Variants in NDUFV2 observed in about 807,000 individuals in gnomAD.
NDUFV2 encodes NADH:ubiquinone oxidoreductase core subunit V2.
NDUFV2 carries 18 observed loss-of-function variants against 31.6 expected under a neutral mutation model. That is an observed-to-expected ratio of 0.57 (90% CI 0.39 to 0.84). NDUFV2 has a LOEUF of 0.84. Among genes scored for constraint, NDUFV2 ranks in the 40% least tolerant of loss-of-function variants. The probability of loss-of-function intolerance (pLI) is 0.00; values close to 1 mark genes in which losing one functional copy is unlikely to be tolerated. For synonymous variants in NDUFV2, 83 were observed against 99.8 expected, an observed-to-expected ratio of 0.83 and a Z score of 1.01; for missense variants, 314 against 303.6, an observed-to-expected ratio of 1.03 and a Z score of -0.26.
chr18:9,133,074 A>G (rs1451988423), intron 7 of NDUFV2, among the ~76,000 whole-genome samples: 1 of 152,178 alleles, frequency 6.6e-6, no homozygotes, highest in Non-Finnish European at 1.5e-5. Flanking sequence ...ATAATTGTTC[A>G]TTACTTAGTA....
intron 7 of NDUFV2, among the ~76,000 whole-genome samples, chr18:9,129,801 T>A (rs560957271): frequency 1.3e-5 from 2 of 152,268 alleles, no homozygotes; most frequent in Admixed American, 1.3e-4. Context: ...CCCAGATAAG[T>A]AATCTGGGCT....
At chr18:9,108,183 T>C (rs2077851234) in intron 1 of NDUFV2, among the ~76,000 whole-genome samples, 1 of 152,268 alleles carries the variant, frequency 6.6e-6, no homozygotes, top group Admixed American at 6.5e-5. Context: ...GGGCTCTTCA[T>C]GCAGCTTTTC....
Position 9,134,290 on chromosome 18 carries a change from AC to A in NDUFV2, c.*12del. On this transcript the variant is annotated 3_prime_UTR_variant, in exon 8 of 8. Transcript: ENST00000318388. ...CAAGCAGGCCTTTAATTTATATTGA[AC>A]TGTAAATATGTCACTAGAGAAATAA... The A allele has an allele frequency of 6.4e-7, 1 of 1,571,836 alleles. No individual in the cohort carries two copies. Among genetic ancestry groups the A allele is most frequent in the Non-Finnish European group, 8.7e-7 (1 of 1,143,422 alleles).
intron 7 of NDUFV2, among the ~76,000 whole-genome samples, chr18:9,132,874 CA>C (rs200591011): frequency 0.011 from 1,635 of 152,068 alleles, 23 homozygotes; most frequent in Non-Finnish European, 0.016. Context: ...GACCCTGTCT[CA>C]AAAATAATAA....
chr18:9,108,839 T>G (rs2077855195), intron 1 of NDUFV2, among the ~76,000 whole-genome samples: 1 of 151,950 alleles, frequency 6.6e-6, no homozygotes, highest in African/African-American at 2.4e-5. Flanking sequence ...TAAAGGTGCG[T>G]GCCACCACAC....
chr18:9,103,179 G>A (rs989546665), intron 1 of NDUFV2: 1 of 400,418 alleles, frequency 2.5e-6, no homozygotes, highest in African/African-American at 2.1e-5. Flanking sequence ...TAGTGACCTC[G>A]ATGCTTTTAG....
intron 1 of NDUFV2, among the ~76,000 whole-genome samples, chr18:9,106,075 A>C (rs992505049): frequency 1.3e-5 from 2 of 152,212 alleles, no homozygotes; most frequent in African/African-American, 4.8e-5. Context: ...AGCAGATCAA[A>C]TATTGGTTCC....
At position 9,124,907 on chromosome 18, in the gene NDUFV2, T is replaced by G; in HGVS notation, c.503T>G (p.Leu168Arg). ...IKVGETTPDK[L>R]FTLIEVECLG... The stretch of plus-strand genomic sequence containing the variant: ...GTTGGGGAGACTACACCTGACAAAC[T>G]TTTCACTCTTATAGAAGTGGAATGT... The change falls in exon 6 of 8, where the codon CTT becomes CGT. Residue 168 changes from leucine (L) to arginine (R), a missense_variant. Transcript: ENST00000318388. 1.2e-6 allele frequency: 2 copies of G among 1,613,036 alleles called. No individual in the cohort carries two copies. Among genetic ancestry groups the G allele is most frequent in the Non-Finnish European group, 1.7e-6 (2 of 1,179,476 alleles).
At chr18:9,110,899 T>G (rs1342731245) in intron 1 of NDUFV2, among the ~76,000 whole-genome samples, 1 of 152,186 alleles carries the variant, frequency 6.6e-6, no homozygotes. Context: ...TGCTCAAATG[T>G]TATGCTAGTG....
chr18:9,105,073 C>T (rs896634818), intron 1 of NDUFV2: 9 of 1,242,752 alleles, frequency 7.2e-6, no homozygotes, highest in African/African-American at 4.5e-5. Flanking sequence ...TTTAATGCTA[C>T]ATAGCATTCC....
At chr18:9,131,026 T>G (rs2078035859) in intron 7 of NDUFV2, among the ~76,000 whole-genome samples, 1 of 152,206 alleles carries the variant, frequency 6.6e-6, no homozygotes, top group Non-Finnish European at 1.5e-5. Context: ...CTCCAAAACT[T>G]TACTCATAGC....
intron 7 of NDUFV2, among the ~76,000 whole-genome samples, chr18:9,131,936 A>G (rs1318113499): frequency 6.6e-6 from 1 of 152,208 alleles, no homozygotes; most frequent in Non-Finnish European, 1.5e-5. Context: ...AGGCATGTTT[A>G]CAGATGAAAG....
chr18:9,105,442 A>G (rs1444529680), intron 1 of NDUFV2, among the ~76,000 whole-genome samples: 1 of 152,204 alleles, frequency 6.6e-6, no homozygotes, highest in African/African-American at 2.4e-5. Context: ...TAATTGACTA[A>G]AAGTTATAAA....
At chr18:9,103,421 A>G (rs140131400) in intron 1 of NDUFV2, 2 of 316,574 alleles carry the variant, frequency 6.3e-6, no homozygotes, top group African/African-American at 4.3e-5. Flanking sequence ...TTGAGATCCA[A>G]GTACATCTCA....
intron 1 of NDUFV2, among the ~76,000 whole-genome samples, chr18:9,113,494 G>T (rs1459158352): frequency 1.3e-5 from 2 of 152,172 alleles, no homozygotes; most frequent in African/African-American, 4.8e-5. Flanking sequence ...TAGGCAGCAT[G>T]AACTTCATGT....
Position 9,119,511 on chromosome 18 carries a change from A to G in NDUFV2, c.221A>G (p.His74Arg). The G allele has an allele frequency of 2.5e-6, 4 of 1,613,942 alleles. No individual in the cohort carries two copies. The highest frequency in any genetic ancestry group is 3.4e-6 in the Non-Finnish European group (4 of 1,179,888). Residue 74 changes from histidine (H) to arginine (R), a missense_variant, in exon 4 of 8, where the codon CAT becomes CGT. Transcript: ENST00000318388. The part of the protein sequence containing the change: ...EAIVKNYPEG[H>R]KAAAVLPVLD... Reference sequence around the variant, plus strand: ...ATTGTAAAAAACTATCCAGAAGGCCATAAAGCAGCAGCTGTTCTTCCAGTC... The same window carrying G: ...ATTGTAAAAAACTATCCAGAAGGCCGTAAAGCAGCAGCTGTTCTTCCAGTC...
chr18:9,124,765 ATAGTCT>A (rs771723311), intron 5 of NDUFV2, 103 bp from the exon 6 acceptor site: 139 of 1,183,056 alleles, frequency 1.2e-4, no homozygotes, highest in Non-Finnish European at 1.6e-4. Context: ...AAAAAACTTA[ATAGTCT>A]TAAACTTTTA....
intron 1 of NDUFV2, among the ~76,000 whole-genome samples, chr18:9,104,679 CTTCT>C (rs2077832468): frequency 6.6e-6 from 1 of 151,914 alleles, no homozygotes; most frequent in Admixed American, 6.6e-5. Context: ...TCCTTCCTTC[CTTCT>C]CTCTCTCCAT....
Position 9,120,510 on chromosome 18 carries a change from A to C in NDUFV2, c.300+920A>C, listed in dbSNP as rs146484678. Among the ~76,000 whole-genome samples the C allele has an allele frequency of 9.6e-4, 146 of 152,314 alleles. 1 individual carries two copies. The East Asian group carries it at 0.019, about 20-fold the overall frequency. On this transcript the variant is annotated intron_variant, in intron 4 of 7. Coordinates refer to ENST00000318388, the MANE Select transcript of NDUFV2 (RefSeq NM_021074.5). ...AGAGATTTTGTTGTACTTCATTCTT[A>C]CCACTTTCTAAACTTAATTTGGTTA...
Sources: gnomAD v4.1 joint callset for allele counts (sites outside exome capture counted in the v4.1 genomes callset) on GRCh38, gnomAD v4.1.1 for gene constraint, MANE v1.5 for transcripts, NCBI Gene and HGNC (gene_info 2026-07-23, HGNC 2026-07-21) for gene names.